Variants in CSMD1 observed in about 807,000 individuals in gnomAD.
CSMD1 encodes the protein CUB and sushi domain-containing protein 1.
CSMD1 carries 213 observed loss-of-function variants against 417.5 expected under a neutral mutation model. The ratio of observed to expected loss-of-function variants is 0.51; its 90% CI spans 0.46 to 0.57. The LOEUF (loss-of-function observed/expected upper bound fraction) is 0.57, where lower values mean the gene tolerates loss of function less well. Among genes scored for constraint, CSMD1 ranks in the 20% least tolerant of loss-of-function variants. The pLI, the probability that CSMD1 is intolerant of heterozygous loss-of-function variation, is 0.00. For synonymous variants in CSMD1, 2,862 were observed against 1,736.8 expected (o/e 1.65, Z -16.11); for missense variants, 6,923 against 4,529.7 (o/e 1.53, Z -15.17).
intron 1 of CSMD1, among the ~76,000 whole-genome samples, chr8:4,709,868 C>G (rs1208331843): frequency 6.6e-6 from 1 of 152,148 alleles, no homozygotes; most frequent in Non-Finnish European, 1.5e-5. Flanking sequence ...ACGGAAAAGT[C>G]TCAATGAACG....
At chr8:3,927,982 T>G (rs1809866269) in intron 5 of CSMD1, among the ~76,000 whole-genome samples, 1 of 152,168 alleles carries the variant, frequency 6.6e-6, no homozygotes, top group South Asian at 2.1e-4. Context: ...ATTTTTATAT[T>G]GAAGAATATG....
At chr8:3,792,606 A>C (rs1378807185) in intron 5 of CSMD1, among the ~76,000 whole-genome samples, 1 of 152,104 alleles carries the variant, frequency 6.6e-6, no homozygotes, top group Non-Finnish European at 1.5e-5. Flanking sequence ...TCTTCCTTTC[A>C]CCCTCAGACA....
At chr8:4,126,404 C>G (rs917871251) in intron 3 of CSMD1, among the ~76,000 whole-genome samples, 4 of 152,168 alleles carry the variant, frequency 2.6e-5, no homozygotes. Flanking sequence ...GTGCCAAACA[C>G]CCATCACAGG....
intron 3 of CSMD1, among the ~76,000 whole-genome samples, chr8:4,181,709 C>A (rs1057283203): frequency 6.7e-6 from 1 of 149,288 alleles, no homozygotes; most frequent in Non-Finnish European, 1.5e-5. Context: ...AATATAATCT[C>A]CCCTCAGAAA....
intron 3 of CSMD1, among the ~76,000 whole-genome samples, chr8:4,343,114 A>T (rs1352133559): frequency 6.6e-6 from 1 of 152,096 alleles, no homozygotes; most frequent in African/African-American, 2.4e-5. Flanking sequence ...GGTATTTTAT[A>T]ACTCTCCAAA....
intron 10 of CSMD1, among the ~76,000 whole-genome samples, chr8:3,498,667 AT>A (rs1313466053): frequency 4.6e-5 from 7 of 152,154 alleles, no homozygotes; most frequent in African/African-American, 1.7e-4. Context: ...TGTTCCACAC[AT>A]TTTGTAGGCA....
At chr8:3,419,233 A>G (rs1452140723) in intron 12 of CSMD1, among the ~76,000 whole-genome samples, 2 of 152,220 alleles carry the variant, frequency 1.3e-5, no homozygotes, top group Admixed American at 6.5e-5. Flanking sequence ...ACAGAAGGAT[A>G]CTATCAGGCT....
intron 12 of CSMD1, among the ~76,000 whole-genome samples, chr8:3,459,603 G>A (rs1185563041): frequency 6.6e-6 from 1 of 152,126 alleles, no homozygotes; most frequent in Non-Finnish European, 1.5e-5. Flanking sequence ...TCAACCAATA[G>A]CAGCAGAGCA....
At chr8:4,308,358 T>A (rs767383619) in intron 3 of CSMD1, among the ~76,000 whole-genome samples, 1 of 152,014 alleles carries the variant, frequency 6.6e-6, no homozygotes, top group Non-Finnish European at 1.5e-5. Context: ...GTGTGCACTG[T>A]GTGTAGTGTG....
chr8:3,557,796 T>C (rs1045892764), intron 10 of CSMD1, among the ~76,000 whole-genome samples: 1 of 152,216 alleles, frequency 6.6e-6, no homozygotes, highest in Non-Finnish European at 1.5e-5. Flanking sequence ...ATAGAGTCTT[T>C]GGTTGTTTCT....
At chr8:4,269,141 C>A (rs78992940) in intron 3 of CSMD1, among the ~76,000 whole-genome samples, 1 of 152,204 alleles carries the variant, frequency 6.6e-6, no homozygotes, top group African/African-American at 2.4e-5. Flanking sequence ...ACTGAAATCT[C>A]TGTCTCCTGG....
At chr8:3,896,488 G>A (rs1212792883) in intron 5 of CSMD1, among the ~76,000 whole-genome samples, 1 of 151,856 alleles carries the variant, frequency 6.6e-6, no homozygotes, top group South Asian at 2.1e-4. Context: ...TACCAAATAA[G>A]GTCTTGAATA....
intron 1 of CSMD1, among the ~76,000 whole-genome samples, chr8:4,905,376 A>T (rs1363093047): frequency 6.6e-6 from 1 of 152,006 alleles, no homozygotes; most frequent in Admixed American, 6.6e-5. Context: ...AGATTTATAA[A>T]ATATATATAT....
At chr8:4,546,449 C>G (rs145676397) in intron 2 of CSMD1, among the ~76,000 whole-genome samples, 1 of 152,254 alleles carries the variant, frequency 6.6e-6, no homozygotes, top group East Asian at 1.9e-4. Context: ...CCACCCTTAC[C>G]ATTCCACGGG....
intron 1 of CSMD1, among the ~76,000 whole-genome samples, chr8:4,737,744 C>G (rs549698506): frequency 9.9e-5 from 15 of 152,104 alleles, no homozygotes; most frequent in Non-Finnish European, 2.2e-4. Context: ...TAAATCAATG[C>G]AAAGGCAATA....
At chr8:3,608,558 T>G (rs1801733003) in intron 8 of CSMD1, among the ~76,000 whole-genome samples, 1 of 151,996 alleles carries the variant, frequency 6.6e-6, no homozygotes, top group Non-Finnish European at 1.5e-5. Context: ...GGTCAGGAGT[T>G]TGAGACGAGC....
intron 2 of CSMD1, among the ~76,000 whole-genome samples, chr8:4,582,033 G>C (rs542712885): frequency 6.6e-5 from 10 of 152,250 alleles, no homozygotes; most frequent in Non-Finnish European, 1.0e-4. Flanking sequence ...CAGCATCGCA[G>C]AGAGAGAAGC....
chr8:2,997,209 C>G (rs769170603), intron 54 of CSMD1, among the ~76,000 whole-genome samples: 60 of 152,360 alleles, frequency 3.9e-4, no homozygotes, highest in South Asian at 3.3e-3. Flanking sequence ...GGAGTCTTTA[C>G]TTAGCCTTTG....
intron 33 of CSMD1, among the ~76,000 whole-genome samples, chr8:3,190,432 C>T (rs1040938914): frequency 7.2e-5 from 11 of 152,240 alleles, no homozygotes; most frequent in African/African-American, 1.4e-4. Flanking sequence ...AGACTCAGTG[C>T]CTTATGAGGA....
Sources: allele counts gnomAD v4.1 joint callset (sites outside exome capture counted in the v4.1 genomes callset), GRCh38; gene constraint gnomAD v4.1.1; transcripts MANE v1.5; gene names NCBI Gene and HGNC (gene_info 2026-07-23, HGNC 2026-07-21).